The following FAM184B variants were observed in gnomAD, a reference collection of about 807,000 sequenced individuals.
The protein encoded by FAM184B is family with sequence similarity 184 member B.
In FAM184B, 111 loss-of-function variants were observed where a neutral mutation model predicts 135.9. The ratio of observed to expected loss-of-function variants is 0.82; its 90% CI spans 0.70 to 0.96. FAM184B has a LOEUF of 0.96. Among genes scored for constraint, FAM184B ranks in the 40% least tolerant of loss-of-function variants. The probability of loss-of-function intolerance (pLI) is 0.00; values close to 1 mark genes in which losing one functional copy is unlikely to be tolerated. For synonymous variants in FAM184B, 552 were observed against 524.8 expected (o/e 1.05, Z -0.71); for missense variants, 1,375 against 1,323.9 (o/e 1.04, Z -0.60).
At chr4:17,743,261 G>T (rs2108984367) in intron 1 of FAM184B, among the ~76,000 whole-genome samples, 1 of 152,360 alleles carries the variant, frequency 6.6e-6, no homozygotes, top group South Asian at 2.1e-4. Context: ...GGCTGGGATG[G>T]GGGTGGGGAG....
At position 17,653,454 on chromosome 4, in the gene FAM184B, C is replaced by T. The variant is rs895395241; in HGVS notation, c.2038-471G>A. Among the ~76,000 whole-genome samples the T allele has an allele frequency of 4.6e-5, 7 of 152,134 alleles. 1 individual carries two copies. Among genetic ancestry groups the T allele is most frequent in the Non-Finnish European group, 1.0e-4 (7 of 68,014 alleles). On this transcript the variant is annotated intron_variant, in intron 10 of 17. Coordinates refer to ENST00000265018, the MANE Select transcript of FAM184B (RefSeq NM_015688.2). ...AATGACATAGGGAAGGGTGAGGGGT[C>T]CCTACAGCTTTTCAGTCCATGCTCT...
intron 1 of FAM184B, among the ~76,000 whole-genome samples, chr4:17,780,695 T>C (rs548931256): frequency 4.6e-5 from 7 of 152,190 alleles, no homozygotes; most frequent in African/African-American, 1.7e-4. Flanking sequence ...ATTCCAGGTT[T>C]AGTACGGTGC....
intron 1 of FAM184B, among the ~76,000 whole-genome samples, chr4:17,772,744 G>A (rs115088760): frequency 1.2e-3 from 178 of 152,308 alleles, no homozygotes; most frequent in African/African-American, 4.0e-3. Context: ...GTTAATACTG[G>A]AGACTGTGGC....
chr4:17,647,521 T>A, intron 12 of FAM184B, 116 bp downstream of exon 12: 3 of 1,309,960 alleles, frequency 2.3e-6, no homozygotes. Context: ...AAGTGCTAGA[T>A]TCCAAGTGTG....
Position 17,631,396 on chromosome 4 carries a change from C to G in FAM184B, c.*1136G>C, listed in dbSNP as rs1481200933. 1 of 152,144 alleles carries G rather than the reference C, an allele frequency of 6.6e-6. No individual in the cohort carries two copies. The highest frequency in any genetic ancestry group is 1.5e-5 in the Non-Finnish European group (1 of 68,098). The allele number at this position is 152,144 out of a possible 1,614,324, so 9.4% of individuals were successfully genotyped here. Reference sequence around the variant, plus strand: ...CCCAGGCTGGTCTCAAATTCCTGGCCTCAAGCTCTCCTCCCATCTCAGCCT... The same window carrying G: ...CCCAGGCTGGTCTCAAATTCCTGGCGTCAAGCTCTCCTCCCATCTCAGCCT... On this transcript the variant is annotated 3_prime_UTR_variant, in exon 18 of 18. Coordinates refer to ENST00000265018, the MANE Select transcript of FAM184B (RefSeq NM_015688.2).
intron 12 of FAM184B, among the ~76,000 whole-genome samples, chr4:17,645,411 G>C (rs545226199): frequency 5.1e-4 from 77 of 152,252 alleles, no homozygotes; most frequent in African/African-American, 1.8e-3. Flanking sequence ...AGAGCCCTCA[G>C]AAATAATACC....
chr4:17,666,469 CTTTTTT>C (rs386399397), intron 7 of FAM184B, among the ~76,000 whole-genome samples: 9 of 57,162 alleles, frequency 1.6e-4, no homozygotes, highest in Admixed American at 1.3e-3. Flanking sequence ...GTGCCTGGTT[CTTTTTT>C]TTTTTTTTTT....
In FAM184B at chr4:17,647,763, C is replaced by G. The variant is rs761424699; in HGVS notation, c.2220G>C (p.Gln740His). The change falls in exon 12 of 18, where the codon CAG becomes CAC. Residue 740 changes from glutamine to histidine, a missense_variant. By Grantham distance (24) the Gln-to-His change is conservative. Coordinates refer to ENST00000265018, the MANE Select transcript of FAM184B (RefSeq NM_015688.2). ...LESLRQELSE[Q>H]QAACSGHQKD... ...TCTGGTGCCCAGAACAGGCAGCTTG[C>G]TGCTCCGACAGCTCCTGTCTGAGCG... 1.5e-5 allele frequency: 24 copies of G among 1,550,726 alleles called. No individual in the cohort carries two copies. The Middle Eastern group carries it at 3.4e-3, about 217-fold the overall frequency.
Position 17,630,334 on chromosome 4 carries a change from G to A in FAM184B, c.*2198C>T, listed in dbSNP as rs1714886895. On this transcript the variant is annotated 3_prime_UTR_variant, in exon 18 of 18. Transcript: ENST00000265018. ...CAATGTAATAGTATTAAGAGGTGGG[G>A]CTTTTGGGAAGCAATGGAGTCATGA... The A allele has an allele frequency of 6.6e-6, 1 of 152,156 alleles. No individual in the cohort carries two copies. The highest frequency in any genetic ancestry group is 2.1e-4 in the South Asian group (1 of 4,820). The allele number at this position is 152,156 out of a possible 1,614,324, so 9.4% of individuals were successfully genotyped here.
rs567559077 is a variant in FAM184B, at chr4:17,709,088, C to T, written c.698G>A (p.Arg233Gln). The change falls in exon 2 of 18, where the codon CGG (arginine) becomes CAG (glutamine). Residue 233 changes from arginine to glutamine, a missense_variant. By Grantham distance (43) the Arg-to-Gln change is conservative. Coordinates refer to ENST00000265018, the MANE Select transcript of FAM184B (RefSeq NM_015688.2). The part of the protein sequence containing the change: ...ATYERENEAI[R>Q]QAMQQSVSQA... ...GCTCACCGACTGCTGCATGGCCTGC[C>T]GGATGGCCTCGTTTTCCCTCTCGTA... The T allele has an allele frequency of 4.5e-6, 7 of 1,549,628 alleles. No individual in the cohort carries two copies. The highest frequency in any genetic ancestry group is 2.0e-5 in the Admixed American group (1 of 50,974).
chr4:17,636,764 T>A, intron 14 of FAM184B, 119 bp from the exon 15 acceptor site: 1 of 828,910 alleles, frequency 1.2e-6, no homozygotes, highest in Non-Finnish European at 1.8e-6. Context: ...GAGGCCCAGA[T>A]AGCAGCAGCG....
chr4:17,726,418 C>A (rs1717639731), intron 1 of FAM184B, among the ~76,000 whole-genome samples: 1 of 152,178 alleles, frequency 6.6e-6, no homozygotes, highest in Non-Finnish European at 1.5e-5. Context: ...GTTGACCAGG[C>A]TGGAGTGCCA....
intron 7 of FAM184B, among the ~76,000 whole-genome samples, chr4:17,685,155 C>G (rs1716548994): frequency 6.7e-6 from 1 of 148,652 alleles, no homozygotes; most frequent in Non-Finnish European, 1.5e-5. Context: ...ACATGTTTAC[C>G]TTTGTAACAA....
chr4:17,769,354 C>T (rs1394592580), intron 1 of FAM184B, among the ~76,000 whole-genome samples: 1 of 152,006 alleles, frequency 6.6e-6, no homozygotes, highest in Non-Finnish European at 1.5e-5. Flanking sequence ...ATTTAGGTTT[C>T]TTTAAAAACT....
At chr4:17,771,291 G>T in intron 1 of FAM184B, among the ~76,000 whole-genome samples, 1 of 152,152 alleles carries the variant, frequency 6.6e-6, no homozygotes, top group Admixed American at 6.5e-5. Flanking sequence ...AGGCTGGGGC[G>T]AGGCAGGGGA....
chr4:17,680,865 C>T (rs1577258142), intron 7 of FAM184B, among the ~76,000 whole-genome samples: 1 of 152,220 alleles, frequency 6.6e-6, no homozygotes, highest in East Asian at 1.9e-4. Flanking sequence ...TTTAAAGAAA[C>T]ACCCACGCCC....
At chr4:17,763,549 C>A (rs764754012) in intron 1 of FAM184B, among the ~76,000 whole-genome samples, 6 of 141,464 alleles carry the variant, frequency 4.2e-5, no homozygotes, top group Non-Finnish European at 6.2e-5. Context: ...AATAGTAAGA[C>A]TGGACGGACA....
chr4:17,742,168 A>ATATATATTTTTTTT (rs1459958150), intron 1 of FAM184B, among the ~76,000 whole-genome samples: 1 of 109,310 alleles, frequency 9.1e-6, no homozygotes, highest in African/African-American at 4.8e-5. Flanking sequence ...ATATATATAT[A>ATATATATTTTTTTT]TTTTTTTTTT....
chr4:17,771,202 A>G (rs756010644), intron 1 of FAM184B, among the ~76,000 whole-genome samples: 59 of 152,172 alleles, frequency 3.9e-4, no homozygotes, highest in Non-Finnish European at 7.5e-4. Context: ...ATCATTTTAT[A>G]TTCCCACTGG....
Sources: allele counts gnomAD v4.1 joint callset (sites outside exome capture counted in the v4.1 genomes callset), GRCh38; gene constraint gnomAD v4.1.1; transcripts MANE v1.5; gene names NCBI Gene and HGNC (gene_info 2026-07-23, HGNC 2026-07-21).